Variants in EYA4 observed in about 807,000 individuals in gnomAD.
EYA4 encodes protein phosphatase EYA4.
Under a neutral mutation model 87.9 loss-of-function variants are expected in EYA4, and 31 were observed. That is an observed-to-expected ratio of 0.35 (90% confidence interval 0.27 to 0.48). The LOEUF is 0.48. Among genes scored for constraint, EYA4 ranks in the 20% least tolerant of loss-of-function variants. The pLI, the probability that EYA4 is intolerant of heterozygous loss-of-function variation, is 0.99. For synonymous variants in EYA4, 263 were observed against 270.6 expected, an observed-to-expected ratio of 0.97 and a Z score of 0.28; for missense variants, 678 against 761.4, an observed-to-expected ratio of 0.89 and a Z score of 1.29.
intron 3 of EYA4, among the ~76,000 whole-genome samples, chr6:133,406,767 G>A (rs1268259254): frequency 7.2e-5 from 11 of 152,064 alleles, no homozygotes; most frequent in Admixed American, 3.9e-4. Flanking sequence ...TGTACTATGC[G>A]ATTTTTAATT....
chr6:133,272,508 A>G (rs977237377), intron 1 of EYA4, among the ~76,000 whole-genome samples: 4 of 152,244 alleles, frequency 2.6e-5, no homozygotes, highest in Non-Finnish European at 5.9e-5. Context: ...TTAAGGTTGC[A>G]TAGTGACTTG....
chr6:133,512,038 T>A (rs955973935), intron 14 of EYA4, among the ~76,000 whole-genome samples: 1 of 152,118 alleles, frequency 6.6e-6, no homozygotes, highest in Non-Finnish European at 1.5e-5. Flanking sequence ...TTATTTTGCT[T>A]GGAATTTTGT....
chr6:133,404,258 T>C (rs1788511720), intron 3 of EYA4, among the ~76,000 whole-genome samples: 1 of 152,210 alleles, frequency 6.6e-6, no homozygotes, highest in African/African-American at 2.4e-5. Context: ...ACATCATCTC[T>C]TTTCTAATGT....
At chr6:133,526,959 C>A (rs1800690373) in intron 19 of EYA4, among the ~76,000 whole-genome samples, 1 of 152,166 alleles carries the variant, frequency 6.6e-6, no homozygotes. Flanking sequence ...ACACAATATG[C>A]TTTTGACAAT....
At chr6:133,516,967 G>T (rs1009114606) in intron 17 of EYA4, among the ~76,000 whole-genome samples, 2 of 152,110 alleles carry the variant, frequency 1.3e-5, no homozygotes, top group African/African-American at 4.8e-5. Flanking sequence ...GAATAGTGCT[G>T]CAGTGAACAT....
intron 11 of EYA4, 68 bp downstream of exon 11, chr6:133,468,799 G>A: frequency 6.6e-7 from 1 of 1,515,448 alleles, no homozygotes; most frequent in Non-Finnish European, 9.2e-7. Flanking sequence ...GGAGAAAGTG[G>A]ACATTCCAAA....
Position 133,372,789 on chromosome 6 carries a change from G to C in EYA4, c.34-9603G>C, listed in dbSNP as rs1424373984. Among the ~76,000 whole-genome samples, 4 of 151,500 alleles carry C rather than the reference G, an allele frequency of 2.6e-5. No individual in the cohort carries two copies. The East Asian group carries it at 7.7e-4, about 29-fold the overall frequency. ...ATAAATTAATCTACAGATATATAGA[G>C]ATATATGTTGTTAAATTTAAAATTG... On this transcript the variant is annotated intron_variant, in intron 2 of 19. Coordinates refer to ENST00000355286, the MANE Select transcript of EYA4 (RefSeq NM_004100.5).
At chr6:133,254,706 C>G (rs1056181081) in intron 1 of EYA4, among the ~76,000 whole-genome samples, 1 of 152,136 alleles carries the variant, frequency 6.6e-6, no homozygotes, top group Non-Finnish European at 1.5e-5. Context: ...CATATTTGCT[C>G]TGTGTTTCAG....
chr6:133,258,478 G>C (rs985217401), intron 1 of EYA4, among the ~76,000 whole-genome samples: 16 of 151,984 alleles, frequency 1.1e-4, no homozygotes, highest in Middle Eastern at 6.8e-3. Context: ...TTTTTTGATC[G>C]AACTGCTGGG....
intron 2 of EYA4, among the ~76,000 whole-genome samples, chr6:133,313,215 C>T (rs1780366516): frequency 6.6e-6 from 1 of 152,066 alleles, no homozygotes; most frequent in Non-Finnish European, 1.5e-5. Context: ...GAGATGCTCC[C>T]TTTTATTTTG....
chr6:133,286,028 C>T (rs1247815636), intron 2 of EYA4, among the ~76,000 whole-genome samples: 3 of 152,078 alleles, frequency 2.0e-5, no homozygotes, highest in South Asian at 2.1e-4. Flanking sequence ...TTCAGCAGGG[C>T]CATATAACTA....
Position 133,512,715 on chromosome 6 carries a change from T to A in EYA4, c.1282-6T>A, listed in dbSNP as rs762102864. 1 of 1,607,908 alleles carries A rather than the reference T, an allele frequency of 6.2e-7. No individual in the cohort carries two copies. Among genetic ancestry groups the A allele is most frequent in the Admixed American group, 1.7e-5 (1 of 60,014 alleles). ...AAACAAATAACTTTTCCAATGTTTT[T>A]AACAGGAGTGTGATCAAGTTCATAT... On this transcript the variant is annotated splice_region_variant and splice_polypyrimidine_tract_variant and intron_variant, in intron 14 of 19. Transcript: ENST00000355286.
At chr6:133,525,610 A>G (rs1324081455) in intron 19 of EYA4, among the ~76,000 whole-genome samples, 1 of 152,182 alleles carries the variant, frequency 6.6e-6, no homozygotes, top group African/African-American at 2.4e-5. Flanking sequence ...ACAGATATAG[A>G]TGAGCCAGGG....
chr6:133,343,330 T>A (rs544350005), intron 2 of EYA4, among the ~76,000 whole-genome samples: 19 of 152,324 alleles, frequency 1.2e-4, no homozygotes, highest in African/African-American at 4.3e-4. Context: ...GATTTATTTC[T>A]TACTCATTTG....
At chr6:133,500,872 C>T (rs950864603) in intron 13 of EYA4, among the ~76,000 whole-genome samples, 1 of 152,204 alleles carries the variant, frequency 6.6e-6, no homozygotes, top group Non-Finnish European at 1.5e-5. Flanking sequence ...TCTGCTCTTT[C>T]CAGCTTTGCC....
chr6:133,458,607 C>A (rs1341387703), intron 6 of EYA4, among the ~76,000 whole-genome samples: 1 of 152,034 alleles, frequency 6.6e-6, no homozygotes, highest in East Asian at 1.9e-4. Flanking sequence ...GCATCTATCC[C>A]AGAATGCCAG....
At chr6:133,385,893 A>G (rs1316701475) in intron 3 of EYA4, among the ~76,000 whole-genome samples, 5 of 152,298 alleles carry the variant, frequency 3.3e-5, no homozygotes, top group East Asian at 3.9e-4. Flanking sequence ...GCACCAAACT[A>G]TCTTCTTTGA....
intron 2 of EYA4, among the ~76,000 whole-genome samples, chr6:133,279,784 G>A (rs1180305698): frequency 1.3e-5 from 2 of 152,044 alleles, no homozygotes; most frequent in African/African-American, 2.4e-5. Context: ...TTTAAAACGT[G>A]TACTCCTCTC....
At chr6:133,341,200 T>C (rs536455368) in intron 2 of EYA4, among the ~76,000 whole-genome samples, 1 of 152,308 alleles carries the variant, frequency 6.6e-6, no homozygotes, top group Non-Finnish European at 1.5e-5. Flanking sequence ...TTGCCTAGGC[T>C]ACCTGAGGGA....
Sources: gnomAD v4.1 joint callset for allele counts (sites outside exome capture counted in the v4.1 genomes callset) on GRCh38, gnomAD v4.1.1 for gene constraint, MANE v1.5 for transcripts, NCBI Gene and HGNC (gene_info 2026-07-23, HGNC 2026-07-21) for gene names.